The following DNAH14 variants were observed in gnomAD, a reference collection of about 807,000 sequenced individuals.
The protein encoded by DNAH14 is dynein axonemal heavy chain 14.
Under a neutral mutation model 520.9 loss-of-function variants are expected in DNAH14, and 478 were observed. The ratio of observed to expected loss-of-function variants is 0.92; its 90% CI spans 0.85 to 0.99. The LOEUF is 0.99. DNAH14 is among the 50% of genes least tolerant of loss of function. The pLI is 0.00. For missense variants in DNAH14, 4,831 were observed against 5,234.5 expected (o/e 0.92, Z 2.38); for synonymous variants, 1,581 against 1,757.2 (o/e 0.90, Z 2.51).
At position 224,968,884 on chromosome 1, in the gene DNAH14, A is replaced by T; in HGVS notation, c.767+10A>T. Reference sequence around the variant, plus strand: ...TATTTTCTGATTTCCGGTGAGGTGAAAAAAATGAAACCAATTCTTTGTAGT... The same window carrying T: ...TATTTTCTGATTTCCGGTGAGGTGATAAAAATGAAACCAATTCTTTGTAGT... On this transcript the variant is annotated intron_variant, in intron 7 of 85. Transcript: ENST00000682510. The T allele has an allele frequency of 6.6e-7, 1 of 1,517,364 alleles. No homozygotes were observed. The highest frequency in any genetic ancestry group is 8.9e-7 in the Non-Finnish European group (1 of 1,123,254). The allele number at this position is 1,517,364 out of a possible 1,614,324, so 94.0% of individuals were successfully genotyped here. A position where few individuals can be genotyped will look rare whatever the true frequency, so the allele number is the denominator to read the frequency against.
At chr1:225,175,876 A>G in intron 36 of DNAH14, among the ~76,000 whole-genome samples, 1 of 151,894 alleles carries the variant, frequency 6.6e-6, no homozygotes, top group East Asian at 1.9e-4. Flanking sequence ...CTCCTGCCTC[A>G]GCCTCCTGAG....
chr1:225,000,778 T>A (rs1394152685), intron 8 of DNAH14, among the ~76,000 whole-genome samples: 1 of 142,716 alleles, frequency 7.0e-6, no homozygotes, highest in East Asian at 2.0e-4. Flanking sequence ...CATTCTGTCA[T>A]TGAGTTCAGC....
Position 224,955,001 on chromosome 1 carries a change from A to G in DNAH14, c.120A>G (p.Pro40=), listed in dbSNP as rs1195640866. 4 of 1,608,710 alleles carry G rather than the reference A, an allele frequency of 2.5e-6. No individual in the cohort carries two copies. The highest frequency in any genetic ancestry group is 3.4e-6 in the Non-Finnish European group (4 of 1,175,792). ...AGAAAAAATATGAAGATGTGAAACC[A>G]TTAGAGACTCAACCAGCTGAAATAG... ...YEEKKYEDVK[P]LETQPAEIAE... Residue 40 remains proline (P), a synonymous_variant, in exon 3 of 86, where the codon CCA becomes CCG. Coordinates refer to ENST00000682510, the MANE Select transcript of DNAH14 (RefSeq NM_001367479.1).
At chr1:225,177,483 G>A (rs187260095) in intron 36 of DNAH14, among the ~76,000 whole-genome samples, 266 of 152,304 alleles carry the variant, frequency 1.7e-3, no homozygotes, top group Non-Finnish European at 2.9e-3. Flanking sequence ...TGGGGAAAAT[G>A]TCTCCAGGGC....
Position 225,078,839 on chromosome 1 carries a change from TCTCC to T in DNAH14, c.2425-364_2425-361del, listed in dbSNP as rs1299997053. Among the ~76,000 whole-genome samples, 98 of 80,222 alleles carry T rather than the reference TCTCC, an allele frequency of 1.2e-3. 3 individuals are homozygous for T. The highest frequency in any genetic ancestry group is 4.6e-3 in the African/African-American group (87 of 18,792). The allele number at this position is 80,222 out of a possible 152,430, so 52.6% of individuals were successfully genotyped here. A position where few individuals can be genotyped will look rare whatever the true frequency, so the allele number is the denominator to read the frequency against. ...CTCTCTCTCTCCCTCTCTCTCTCTC[TCTCC>T]CTCTCTCTCTCTCTCCCTCTCTCTC... On this transcript the variant is annotated intron_variant, in intron 17 of 85. Coordinates refer to ENST00000682510, the MANE Select transcript of DNAH14 (RefSeq NM_001367479.1).
Position 225,361,526 on chromosome 1 carries a change from T to C in DNAH14, c.11987+635T>C, listed in dbSNP as rs2095491781. On this transcript the variant is annotated intron_variant, in intron 75 of 85. Transcript: ENST00000682510. ...TTTTCTCCAGCCTTGGTTTTCTTTC[T>C]TCTTTACTTTTCATGGCCAATATCC... 2.0e-5 allele frequency among the ~76,000 whole-genome samples: 3 copies of C among 152,258 alleles called. No homozygotes were observed. In the South Asian group the frequency reaches 6.2e-4, roughly 31 times the overall value.
intron 79 of DNAH14, among the ~76,000 whole-genome samples, chr1:225,378,240 C>T (rs1365741486): frequency 6.6e-6 from 1 of 151,860 alleles, no homozygotes; most frequent in Non-Finnish European, 1.5e-5. Context: ...AGTCTTGCTG[C>T]CTTTGCTTAT....
At chr1:225,087,007 C>T (rs1046147586) in intron 21 of DNAH14, among the ~76,000 whole-genome samples, 4 of 151,076 alleles carry the variant, frequency 2.6e-5, no homozygotes, top group Non-Finnish European at 5.9e-5. Context: ...CACACACACA[C>T]ACACACACAC....
intron 57 of DNAH14, among the ~76,000 whole-genome samples, chr1:225,303,876 C>T (rs1323007239): frequency 2.0e-5 from 3 of 152,134 alleles, no homozygotes; most frequent in South Asian, 2.1e-4. Flanking sequence ...ACCAAAGGAG[C>T]TGTAAATGCA....
intron 22 of DNAH14, among the ~76,000 whole-genome samples, chr1:225,100,298 T>G (rs2075337400): frequency 6.6e-6 from 1 of 152,162 alleles, no homozygotes; most frequent in Non-Finnish European, 1.5e-5. Context: ...CTGTCTTCTA[T>G]TCACATCAAA....
At chr1:225,353,979 C>G (rs1156661018) in intron 73 of DNAH14, 91 bp downstream of exon 73, 3 of 774,650 alleles carry the variant, frequency 3.9e-6, no homozygotes, top group Non-Finnish European at 6.4e-6. Flanking sequence ...ATTTTACAAG[C>G]AAAGTGTATT....
At chr1:225,287,773 A>G (rs965289435) in intron 54 of DNAH14, among the ~76,000 whole-genome samples, 1 of 152,124 alleles carries the variant, frequency 6.6e-6, no homozygotes, top group South Asian at 2.1e-4. Flanking sequence ...GAAATATACA[A>G]TATGAGCCTG....
At chr1:225,104,424 C>G (rs964579595) in intron 23 of DNAH14, among the ~76,000 whole-genome samples, 2 of 152,156 alleles carry the variant, frequency 1.3e-5, no homozygotes, top group Non-Finnish European at 2.9e-5. Flanking sequence ...AGGATTCCCT[C>G]TTTTTCTATT....
At position 225,082,773 on chromosome 1, in the gene DNAH14, G is replaced by A; in HGVS notation, c.3327+34G>A. 3 of 1,515,666 alleles carry A rather than the reference G, an allele frequency of 2.0e-6. No individual in the cohort carries two copies. In the South Asian group the frequency reaches 3.8e-5, roughly 19 times the overall value. The allele number at this position is 1,515,666 out of a possible 1,614,324, so 93.9% of individuals were successfully genotyped here. On this transcript the variant is annotated intron_variant, in intron 20 of 85. Transcript: ENST00000682510. ...AAATGGTTTTTTAAAAAAATAGGTT[G>A]AAATACCAGATGGGCCAATTTTAAA...
chr1:225,244,216 A>T (rs761836016), intron 43 of DNAH14, among the ~76,000 whole-genome samples: 1 of 152,100 alleles, frequency 6.6e-6, no homozygotes, highest in Non-Finnish European at 1.5e-5. Flanking sequence ...CTTGATTGTC[A>T]TGGGTAAGAT....
At position 225,079,237 on chromosome 1, in the gene DNAH14, TG is replaced by T. The variant is rs777551882; in HGVS notation, c.2456del (p.Cys819LeufsTer6). ...VVESSLQQLE[C>X]DPTEIEEFLE... ...GGAATCATCATTGCAGCAGCTGGAATGTGATCCCACTGAAATAGAAGAATTT... is the reference window on the plus strand; with the variant it reads ...GGAATCATCATTGCAGCAGCTGGAATTGATCCCACTGAAATAGAAGAATTT... On this transcript the variant is annotated frameshift_variant, in exon 18 of 86. Coordinates refer to ENST00000682510, the MANE Select transcript of DNAH14 (RefSeq NM_001367479.1). LOFTEE classifies it high-confidence loss of function. 8 of 1,546,982 alleles carry T rather than the reference TG, an allele frequency of 5.2e-6. No individual in the cohort carries two copies. The highest frequency in any genetic ancestry group is 1.4e-5 in the African/African-American group (1 of 72,712).
At chr1:225,017,322 T>C (rs1267639530) in intron 10 of DNAH14, among the ~76,000 whole-genome samples, 1 of 152,234 alleles carries the variant, frequency 6.6e-6, no homozygotes, top group East Asian at 1.9e-4. Flanking sequence ...GTAAAAGTTG[T>C]AATGAAAGTT....
intron 1 of DNAH14, among the ~76,000 whole-genome samples, chr1:224,945,435 T>C (rs1307600777): frequency 1.3e-5 from 2 of 152,212 alleles, no homozygotes; most frequent in Non-Finnish European, 2.9e-5. Context: ...GCCATGGGTT[T>C]GAACTTGCTC....
intron 26 of DNAH14, among the ~76,000 whole-genome samples, chr1:225,121,831 A>T (rs556758758): frequency 3.0e-4 from 45 of 152,000 alleles, no homozygotes; most frequent in African/African-American, 1.0e-3. Flanking sequence ...ACAGAGCGAG[A>T]CTCCATCTCA....
Sources: allele counts gnomAD v4.1 joint callset (sites outside exome capture counted in the v4.1 genomes callset), GRCh38; gene constraint gnomAD v4.1.1; transcripts MANE v1.5; gene names NCBI Gene and HGNC (gene_info 2026-07-23, HGNC 2026-07-21).